COL6A3: variants seen among roughly 807,000 people sequenced by gnomAD.
The protein encoded by COL6A3 is collagen alpha-3(VI) chain.
Under a neutral mutation model 274.1 loss-of-function variants are expected in COL6A3, and 137 were observed. The ratio of observed to expected loss-of-function variants is 0.50; its 90% CI spans 0.44 to 0.58. The LOEUF is 0.58. Ranked by LOEUF, COL6A3 falls within the 20% of genes least tolerant of loss-of-function variation. The pLI, the probability that COL6A3 is intolerant of heterozygous loss-of-function variation, is 0.00. For synonymous variants in COL6A3, 1,650 were observed against 1,650.6 expected (o/e 1.00, Z 0.01); for missense variants, 3,950 against 4,124.9 (o/e 0.96, Z 1.16).
Position 237,377,253 on chromosome 2 carries a change from G to A in COL6A3, c.2589C>T (p.Ile863=), listed in dbSNP as rs376409920. 1.8e-5 allele frequency: 29 copies of A among 1,610,604 alleles called. No homozygotes were observed. In the East Asian group the frequency reaches 2.4e-4, roughly 14 times the overall value. The change falls in exon 7 of 44, where the codon ATC becomes ATT. Residue 863 remains isoleucine, a synonymous_variant. Coordinates refer to ENST00000295550, the MANE Select transcript of COL6A3 (RefSeq NM_004369.4). The stretch of plus-strand genomic sequence containing the variant: ...CCTCTGGCTTCACATTGAGCTCATC[G>A]ATAATCTTGTAGAGAAAGTCACGGA... ...PVVRDFLYKI[I]DELNVKPEGT... is the part of the protein sequence containing the mutation.
rs1195337191 is a variant in COL6A3 at position 237,407,876 on chromosome 2, GA to G, written c.-31+6076del. On this transcript the variant is annotated intron_variant, in intron 1 of 43. Transcript: ENST00000295550. This position sits in a 1 kb window ranked among gnomAD's most constrained non-coding sequence, Gnocchi z 4.3. ...AACATTAAAGAAGAAAGGTGCATTA[GA>G]AAATGCTTCAAGAAATATTGCACAA... is the stretch of plus-strand genomic sequence containing the variant. 6.6e-6 allele frequency among the ~76,000 whole-genome samples: 1 copy of G among 152,178 alleles called. No individual in the cohort carries two copies. The highest frequency in any genetic ancestry group is 1.5e-5 in the Non-Finnish European group (1 of 68,030).
intron 3 of COL6A3, among the ~76,000 whole-genome samples, chr2:237,393,536 T>C (rs1018103662): frequency 2.6e-5 from 4 of 152,150 alleles, no homozygotes; most frequent in Admixed American, 6.5e-5. Context: ...TGTGTCTCCT[T>C]TCTGGAGCTC....
rs1031923214 is a variant in COL6A3 at position 237,361,247 on chromosome 2, C to A, written c.6157-73G>T. On this transcript the variant is annotated intron_variant, in intron 15 of 43. Transcript: ENST00000295550. The surrounding 1 kb of genome is among the most constrained non-coding windows in gnomAD (Gnocchi z 5.1). The stretch of plus-strand genomic sequence containing the variant: ...GCTCTACAGTAAGAATCCCTGTGGT[C>A]CCCCTTCATTTGGCAGAGCAGCACT... 7 of 1,396,692 alleles carry A rather than the reference C, an allele frequency of 5.0e-6. No individual in the cohort carries two copies. The highest frequency in any genetic ancestry group is 2.3e-5 in the South Asian group (2 of 85,954). The allele number at this position is 1,396,692 out of a possible 1,614,324, so 86.5% of individuals were successfully genotyped here.
Position 237,324,701 on chromosome 2 carries a change from G to A in COL6A3, c.*73C>T. 1 of 1,413,556 alleles carries A rather than the reference G, an allele frequency of 7.1e-7. No homozygotes were observed. The highest frequency in any genetic ancestry group is 1.0e-6 in the Non-Finnish European group (1 of 999,130). The allele number at this position is 1,413,556 out of a possible 1,614,324, so 87.6% of individuals were successfully genotyped here. A position where few individuals can be genotyped will look rare whatever the true frequency, so the allele number is the denominator to read the frequency against. On this transcript the variant is annotated 3_prime_UTR_variant, in exon 44 of 44. Transcript: ENST00000295550. ...CAGTGCAAGGGAATCTACACCCGGA[G>A]CTTCTACAGAGACAAGTTGGCGATG...
chr2:237,394,529 C>T, intron 3 of COL6A3, 58 bp downstream of exon 3: 2 of 1,611,662 alleles, frequency 1.2e-6, no homozygotes, highest in Non-Finnish European at 1.7e-6. Flanking sequence ...CCAGCAGTTG[C>T]CAAGCTCATC....
chr2:237,396,517 G>A (rs1252478481), intron 2 of COL6A3, among the ~76,000 whole-genome samples: 1 of 152,102 alleles, frequency 6.6e-6, no homozygotes, highest in Non-Finnish European at 1.5e-5. Flanking sequence ...CCAAACCCAA[G>A]TTTTAATAAA....
intron 3 of COL6A3, among the ~76,000 whole-genome samples, chr2:237,390,268 C>G (rs1340111043): frequency 1.3e-5 from 2 of 152,166 alleles, no homozygotes; most frequent in African/African-American, 2.4e-5. Context: ...TAAATGGACC[C>G]TGAGGGAAAA....
chr2:237,406,369 G>T (rs1346433926), intron 1 of COL6A3, among the ~76,000 whole-genome samples: 1 of 152,150 alleles, frequency 6.6e-6, no homozygotes, highest in Non-Finnish European at 1.5e-5. Flanking sequence ...CCATTTTGAA[G>T]TCATTTATTT....
chr2:237,359,592 G>C (rs1048127739), intron 17 of COL6A3, among the ~76,000 whole-genome samples: 1 of 152,242 alleles, frequency 6.6e-6, no homozygotes, highest in Non-Finnish European at 1.5e-5. Context: ...CTGAATGCTT[G>C]GGTGGTCTTG....
Position 237,357,366 on chromosome 2 carries a change from G to A in COL6A3, c.6563C>T (p.Pro2188Leu). The stretch of plus-strand genomic sequence containing the variant: ...CTTCCCAGTTTCTCCAGGTCCTCCA[G>A]GTACTCCATCTCTCCCTGGGACACC... ...PMGVPGRDGV[P>L]GGPGETGKNG... Residue 2188 changes from proline (P) to leucine (L), a missense_variant, in exon 23 of 44, where the codon CCT (proline) becomes CTT (leucine). Pro to Leu is a moderately conservative substitution (Grantham distance 98). Around this residue, in one of 5 missense-constraint regions of COL6A3, gnomAD observed 1,284 missense variants for 1,349.7 expected, o/e 0.95. Coordinates refer to ENST00000295550, the MANE Select transcript of COL6A3 (RefSeq NM_004369.4). The A allele has an allele frequency of 6.2e-7, 1 of 1,614,038 alleles. No individual in the cohort carries two copies. Among genetic ancestry groups the A allele is most frequent in the Non-Finnish European group, 8.5e-7 (1 of 1,179,888 alleles).
intron 11 of COL6A3, 126 bp downstream of exon 11, chr2:237,366,561 T>C: frequency 7.1e-7 from 1 of 1,405,482 alleles, no homozygotes; most frequent in Admixed American, 1.7e-5. Context: ...TCCCAGTGGG[T>C]ATAAGTAAAT....
intron 24 of COL6A3, among the ~76,000 whole-genome samples, chr2:237,353,933 A>G (rs966741244): frequency 6.6e-6 from 1 of 152,210 alleles, no homozygotes; most frequent in African/African-American, 2.4e-5. Context: ...TCGCTAAGCC[A>G]AAGGGAAAAG....
At chr2:237,349,917 CAG>C (rs1048600571) in intron 28 of COL6A3, among the ~76,000 whole-genome samples, 2 of 152,156 alleles carry the variant, frequency 1.3e-5, no homozygotes, top group African/African-American at 2.4e-5. Flanking sequence ...AGGAAAAACA[CAG>C]GGGAAAAAAT....
rs780964113 is a variant in COL6A3 at position 237,342,143 on chromosome 2, C to G, written c.7687G>C (p.Gly2563Arg). The change falls in exon 37 of 44, where the codon GGG becomes CGG. Residue 2563 changes from glycine (G) to arginine (R), a missense_variant. Physicochemically the swap from Gly to Arg is moderately radical, Grantham distance 125. Transcript: ENST00000295550. ...CCTGCAGGCAGGACAAGCGCATGCC[C>G]CACTGCTGTGTTATTGATCTGGTTT... Reference protein sequence around the residue: ...NALQINNTAVGHALVLPAGRD... With the variant: ...NALQINNTAVRHALVLPAGRD... The G allele has an allele frequency of 6.2e-5, 100 of 1,614,006 alleles. No individual in the cohort carries two copies. The highest frequency in any genetic ancestry group is 8.1e-5 in the Non-Finnish European group (95 of 1,179,992).
Position 237,378,781 on chromosome 2 carries a change from T to C in COL6A3, c.2352A>G (p.Ala784=), listed in dbSNP as rs759099641. The change falls in exon 6 of 44, where the codon GCA becomes GCG. Residue 784 remains alanine (A), a synonymous_variant. Transcript: ENST00000295550. ...FCVGASQANK[A]ELEQIAFNPS... Reference sequence around the variant, plus strand: ...GGTTAAAAGCAATCTGCTCAAGCTCTGCCTTATTCGCCTGGCTAGCTCCCA... The same window carrying C: ...GGTTAAAAGCAATCTGCTCAAGCTCCGCCTTATTCGCCTGGCTAGCTCCCA... 3.1e-6 allele frequency: 5 copies of C among 1,614,140 alleles called. No individual in the cohort carries two copies. Among genetic ancestry groups the C allele is most frequent in the Non-Finnish European group, 4.2e-6 (5 of 1,180,058 alleles).
chr2:237,340,192 G>A (rs571293258), intron 38 of COL6A3, among the ~76,000 whole-genome samples: 33 of 152,298 alleles, frequency 2.2e-4, no homozygotes, highest in African/African-American at 6.3e-4. Context: ...CACCAAGAGT[G>A]CCTTATGACT....
At chr2:237,332,904 C>T (rs1298863785) in intron 42 of COL6A3, 1 of 161,214 alleles carries the variant, frequency 6.2e-6, no homozygotes, top group Non-Finnish European at 1.4e-5. Flanking sequence ...CAGTCACTAA[C>T]TTAGCATAGA....
At chr2:237,382,529 C>T (rs1310964311) in intron 4 of COL6A3, among the ~76,000 whole-genome samples, 1 of 152,170 alleles carries the variant, frequency 6.6e-6, no homozygotes, top group Non-Finnish European at 1.5e-5. Flanking sequence ...AGGCACCCTG[C>T]CCATATTGCA....
In COL6A3 at chr2:237,393,719, G is replaced by A. The variant is rs139852947; in HGVS notation, c.709+868C>T. On this transcript the variant is annotated intron_variant, in intron 3 of 43. Transcript: ENST00000295550. ...TCATTACAGTTGCTGTGGTATGGTA[G>A]AGTTTGAAATTGTACTTGTCAAATT... is the stretch of plus-strand genomic sequence containing the variant. Among the ~76,000 whole-genome samples, 623 of 152,336 alleles carry A rather than the reference G, an allele frequency of 4.1e-3. 7 individuals are homozygous for A. The highest frequency in any genetic ancestry group is 0.014 in the African/African-American group (599 of 41,562).
Sources: gnomAD v4.1 joint callset for allele counts (sites outside exome capture counted in the v4.1 genomes callset) on GRCh38, gnomAD v4.1.1 for gene constraint, gnomAD v4.1.1 regional missense constraint, Gnocchi (gnomAD v3.1) non-coding constraint, MANE v1.5 for transcripts, NCBI Gene and HGNC (gene_info 2026-07-23, HGNC 2026-07-21) for gene names.